Variants in DSCAM observed in about 807,000 individuals in gnomAD.
DSCAM encodes cell adhesion molecule DSCAM.
In DSCAM, 47 loss-of-function variants were observed where a neutral mutation model predicts 217.7. The observed-to-expected ratio is 0.22, with a 90% confidence interval of 0.17 to 0.28. DSCAM has a LOEUF of 0.28. Among genes scored for constraint, DSCAM ranks in the 10% least tolerant of loss-of-function variants. DSCAM has a pLI of 1.00. For missense variants in DSCAM, 2,080 were observed against 2,618.3 expected (o/e 0.79, Z 4.49); for synonymous variants, 1,056 against 1,015.3 (o/e 1.04, Z -0.76).
At chr21:40,249,392 C>T (rs939750475) in intron 11 of DSCAM, among the ~76,000 whole-genome samples, 4 of 152,120 alleles carry the variant, frequency 2.6e-5, no homozygotes, top group South Asian at 2.1e-4. Flanking sequence ...GCTTTTGCAT[C>T]CTTCTCATTT....
At chr21:40,274,112 C>G (rs982246325) in intron 11 of DSCAM, among the ~76,000 whole-genome samples, 4 of 152,162 alleles carry the variant, frequency 2.6e-5, no homozygotes, top group Admixed American at 1.3e-4. Flanking sequence ...TATATCCACT[C>G]AATTATCCCC....
chr21:40,792,726 G>A (rs2091656943), intron 1 of DSCAM, among the ~76,000 whole-genome samples: 1 of 152,200 alleles, frequency 6.6e-6, no homozygotes, highest in Non-Finnish European at 1.5e-5. Context: ...CTGGAGAGGA[G>A]GGGACCCACA....
chr21:40,586,509 C>T (rs1264168173), intron 3 of DSCAM, among the ~76,000 whole-genome samples: 1 of 152,126 alleles, frequency 6.6e-6, no homozygotes, highest in Non-Finnish European at 1.5e-5. Context: ...TGTTTCAGCC[C>T]AGCGCTCCTC....
At chr21:40,466,393 A>G (rs1206876884) in intron 3 of DSCAM, among the ~76,000 whole-genome samples, 1 of 152,176 alleles carries the variant, frequency 6.6e-6, no homozygotes, top group African/African-American at 2.4e-5. Flanking sequence ...CCAGGGTTAC[A>G]GCACTGGAAG....
In DSCAM at chr21:40,551,902, T is replaced by G. The variant is rs551985576; in HGVS notation, c.508+140908A>C. Among the ~76,000 whole-genome samples the G allele has an allele frequency of 2.0e-5, 3 of 152,266 alleles. No homozygotes were observed. The South Asian group carries it at 6.2e-4, about 32-fold the overall frequency. On this transcript the variant is annotated intron_variant, in intron 3 of 32. Coordinates refer to ENST00000400454, the MANE Select transcript of DSCAM (RefSeq NM_001389.5). ...CCTGAACTACCTTTTCAGGTTTCCT[T>G]GGGTCCCTTTGGCCAAGAGGGTGTG...
chr21:40,255,645 C>A (rs927796614), intron 11 of DSCAM, among the ~76,000 whole-genome samples: 2 of 152,148 alleles, frequency 1.3e-5, no homozygotes, highest in African/African-American at 2.4e-5. Flanking sequence ...TGCCTTGTGG[C>A]AGAAACAGAA....
intron 1 of DSCAM, among the ~76,000 whole-genome samples, chr21:40,735,596 T>C (rs893018310): frequency 4.6e-5 from 7 of 152,192 alleles, no homozygotes; most frequent in African/African-American, 1.7e-4. Context: ...TGAAATGTCA[T>C]TGCATCCTTT....
chr21:40,249,576 TC>T lies in DSCAM; in HGVS notation c.2356+26520del, dbSNP rs1311878460. 3.3e-5 allele frequency among the ~76,000 whole-genome samples: 5 copies of T among 152,120 alleles called. No homozygotes were observed. The East Asian group carries it at 9.6e-4, about 29-fold the overall frequency. On this transcript the variant is annotated intron_variant, in intron 11 of 32. Transcript: ENST00000400454. ...ACATTAGCGTAGAAATATATTCAAA[TC>T]ATGGGAATTGTGAAGGGTGAACAAA...
intron 32 of DSCAM, among the ~76,000 whole-genome samples, chr21:40,039,778 A>G (rs2088709722): frequency 6.6e-6 from 1 of 152,234 alleles, no homozygotes. Context: ...TTTGCAGAGA[A>G]TTTCAAAGTC....
chr21:40,182,631 A>C (rs1220926857), intron 14 of DSCAM, among the ~76,000 whole-genome samples: 2 of 132,248 alleles, frequency 1.5e-5, no homozygotes, highest in Admixed American at 7.4e-5. Flanking sequence ...CCACCAGAGA[A>C]ACCGTGGACA....
At chr21:40,758,403 G>C (rs891413551) in intron 1 of DSCAM, among the ~76,000 whole-genome samples, 1 of 151,466 alleles carries the variant, frequency 6.6e-6, no homozygotes, top group Non-Finnish European at 1.5e-5. Flanking sequence ...TGTAGTCCCA[G>C]CTACTTGGGA....
chr21:40,055,751 T>C lies in DSCAM; in HGVS notation c.5009A>G (p.Glu1670Gly). ...IDIPRAQLLI[E>G]ERDTMETIDD... ...AATGGTCTCCATCGTGTCTCTCTCT[T>C]CAATCAAAAGCTGAGCCCTGGGTAT... The change falls in exon 29 of 33, where the codon GAA (glutamate) becomes GGA (glycine). Residue 1670 changes from glutamate (E) to glycine (G), a missense_variant. By Grantham distance (98) the Glu-to-Gly change is moderately conservative. This residue lies in a region of DSCAM where 1,144 missense variants were observed against 1,421.1 expected (regional missense o/e 0.81). Transcript: ENST00000400454. The C allele has an allele frequency of 6.2e-7, 1 of 1,613,398 alleles. No homozygotes were observed. The highest frequency in any genetic ancestry group is 8.5e-7 in the Non-Finnish European group (1 of 1,179,354).
intron 21 of DSCAM, 129 bp from the exon 22 acceptor site, chr21:40,087,416 C>A (rs2089547569): frequency 2.9e-6 from 2 of 678,476 alleles, no homozygotes; most frequent in Admixed American, 4.4e-5. Flanking sequence ...CAACTGTCAA[C>A]ACTACTCTCT....
chr21:40,805,059 C>T (rs1203791438), intron 1 of DSCAM, among the ~76,000 whole-genome samples: 1 of 152,192 alleles, frequency 6.6e-6, no homozygotes, highest in Non-Finnish European at 1.5e-5. Flanking sequence ...TCACTTCCCC[C>T]CAACTCCTAG....
chr21:40,321,006 T>C (rs2074253570), intron 8 of DSCAM, among the ~76,000 whole-genome samples: 1 of 152,128 alleles, frequency 6.6e-6, no homozygotes, highest in East Asian at 1.9e-4. Context: ...TTAATGAGGG[T>C]GGATATCACA....
Position 40,560,068 on chromosome 21 carries a change from T to C in DSCAM, c.508+132742A>G, listed in dbSNP as rs376918252. Among the ~76,000 whole-genome samples, 48 of 152,270 alleles carry C rather than the reference T, an allele frequency of 3.2e-4. 1 individual carries two copies. The highest frequency in any genetic ancestry group is 1.6e-3 in the East Asian group (8 of 5,160). ...TTGGCCTCCCAAAGTGCTGGGATTATAGGCTTGAGCCACCATGCGTGGCCA... is the reference window on the plus strand; with the variant it reads ...TTGGCCTCCCAAAGTGCTGGGATTACAGGCTTGAGCCACCATGCGTGGCCA... On this transcript the variant is annotated intron_variant, in intron 3 of 32. Transcript: ENST00000400454.
At chr21:40,155,444 C>T (rs143833389) in intron 16 of DSCAM, among the ~76,000 whole-genome samples, 1 of 152,308 alleles carries the variant, frequency 6.6e-6, no homozygotes, top group Non-Finnish European at 1.5e-5. Context: ...GAGGGCCCAA[C>T]CCAGAGTAGC....
rs753192585 is a variant in DSCAM at position 40,347,943 on chromosome 21, G to A, written c.937C>T (p.Pro313Ser). The A allele has an allele frequency of 1.2e-5, 19 of 1,609,754 alleles. No individual in the cohort carries two copies. The highest frequency in any genetic ancestry group is 1.4e-5 in the Non-Finnish European group (16 of 1,177,146). Residue 313 changes from proline (P) to serine (S), a missense_variant and splice_region_variant, in exon 6 of 33, where the codon CCA (proline) becomes TCA (serine). By Grantham distance (74) the Pro-to-Ser change is moderately conservative. Coordinates refer to ENST00000400454, the MANE Select transcript of DSCAM (RefSeq NM_001389.5). ...KVIGRLYVKQ[P>S]LKATISPRKV... Reference sequence around the variant, plus strand: ...CTGGGACTGATGGTGGCTTTCAGTGGCTCTGGAGGTTTTAGTAAGAGAGAG... The same window carrying A: ...CTGGGACTGATGGTGGCTTTCAGTGACTCTGGAGGTTTTAGTAAGAGAGAG...
At chr21:40,716,502 C>G (rs2090844029) in intron 1 of DSCAM, among the ~76,000 whole-genome samples, 1 of 152,088 alleles carries the variant, frequency 6.6e-6, no homozygotes, top group African/African-American at 2.4e-5. Context: ...GGTACCAACA[C>G]TAAGGGAGCT....
Sources: gnomAD v4.1 joint callset for allele counts (sites outside exome capture counted in the v4.1 genomes callset) on GRCh38, gnomAD v4.1.1 for gene constraint, gnomAD v4.1.1 regional missense constraint, MANE v1.5 for transcripts, NCBI Gene and HGNC (gene_info 2026-07-23, HGNC 2026-07-21) for gene names.